Variants in CSMD3 observed in about 807,000 individuals in gnomAD.
CSMD3 encodes the protein CUB and sushi domain-containing protein 3.
CSMD3 carries 177 observed loss-of-function variants against 435.2 expected under a neutral mutation model. The observed-to-expected ratio is 0.41, with a 90% CI of 0.36 to 0.46. CSMD3 has a LOEUF of 0.46. Ranked by LOEUF, CSMD3 falls within the 20% of genes least tolerant of loss-of-function variation. The pLI, the probability that CSMD3 is intolerant of heterozygous loss-of-function variation, is 0.34. For synonymous variants in CSMD3, 1,656 were observed against 1,520.5 expected (o/e 1.09, Z -2.07); for missense variants, 4,265 against 4,504.6 (o/e 0.95, Z 1.52).
intron 13 of CSMD3, among the ~76,000 whole-genome samples, chr8:112,716,853 T>C (rs1289316777): frequency 6.6e-6 from 1 of 152,170 alleles, no homozygotes; most frequent in Non-Finnish European, 1.5e-5. Flanking sequence ...TAAATGGTGC[T>C]GGGAAAACTG....
Position 112,790,327 on chromosome 8 carries a change from CTAAT to C in CSMD3, c.1972+9831_1972+9834del, listed in dbSNP as rs1414263694. Among the ~76,000 whole-genome samples, 5 of 150,502 alleles carry C rather than the reference CTAAT, an allele frequency of 3.3e-5. 1 individual carries two copies. Among genetic ancestry groups the C allele is most frequent in the South Asian group, 4.2e-4 (2 of 4,788 alleles). The stretch of plus-strand genomic sequence containing the variant: ...ATGGTAGGATTTTTTGAGAAATACT[CTAAT>C]TAAGTTTTGGAAAATAGCAAATAAA... On this transcript the variant is annotated intron_variant, in intron 13 of 70. Transcript: ENST00000297405.
intron 1 of CSMD3, among the ~76,000 whole-genome samples, chr8:113,329,889 TAA>T (rs1403998558): frequency 6.6e-6 from 1 of 151,574 alleles, no homozygotes; most frequent in African/African-American, 2.4e-5. Context: ...TTGAAAAAAA[TAA>T]AAACTGCTAA....
At chr8:112,253,297 A>T (rs1026231496) in intron 63 of CSMD3, among the ~76,000 whole-genome samples, 1 of 151,950 alleles carries the variant, frequency 6.6e-6, no homozygotes, top group African/African-American at 2.4e-5. Context: ...GTTCTCTAAA[A>T]ACACCAATAT....
intron 35 of CSMD3, among the ~76,000 whole-genome samples, chr8:112,392,550 A>G (rs893039750): frequency 6.6e-6 from 1 of 152,078 alleles, no homozygotes; most frequent in African/African-American, 2.4e-5. Flanking sequence ...TATTCACCCA[A>G]AAAATAGAAC....
chr8:112,926,905 G>A lies in CSMD3; in HGVS notation c.1509-5154C>T, dbSNP rs572861772. Among the ~76,000 whole-genome samples, 10 of 152,176 alleles carry A rather than the reference G, an allele frequency of 6.6e-5. No individual in the cohort carries two copies. In the South Asian group the frequency reaches 1.9e-3, roughly 28 times the overall value. On this transcript the variant is annotated intron_variant, in intron 9 of 70. Coordinates refer to ENST00000297405, the MANE Select transcript of CSMD3 (RefSeq NM_198123.2). ...AAAAGGTCTAGACAATTTCCTGACA[G>A]ATGCAGAAATTTAACCCTAAGTAGC...
chr8:112,568,625 T>G (rs1829256565), intron 24 of CSMD3, among the ~76,000 whole-genome samples: 1 of 151,940 alleles, frequency 6.6e-6, no homozygotes, highest in African/African-American at 2.4e-5. Context: ...TTTCTCCCTG[T>G]CTAGTGTGGT....
intron 10 of CSMD3, among the ~76,000 whole-genome samples, chr8:112,873,465 A>G (rs2081191783): frequency 6.6e-6 from 1 of 151,996 alleles, no homozygotes; most frequent in Admixed American, 6.6e-5. Flanking sequence ...TCTTTTAGCT[A>G]AAATCCATTC....
intron 10 of CSMD3, among the ~76,000 whole-genome samples, chr8:112,894,568 A>T (rs1046915425): frequency 7.3e-5 from 11 of 151,434 alleles, no homozygotes; most frequent in Admixed American, 2.6e-4. Context: ...TAATTGACAC[A>T]ACAGAGTACT....
At chr8:112,499,580 T>C (rs1302647742) in intron 30 of CSMD3, among the ~76,000 whole-genome samples, 1 of 152,064 alleles carries the variant, frequency 6.6e-6, no homozygotes, top group African/African-American at 2.4e-5. Flanking sequence ...AGAACCAGAA[T>C]CATACATATC....
intron 38 of CSMD3, among the ~76,000 whole-genome samples, chr8:112,363,263 A>C (rs1827429414): frequency 1.3e-5 from 2 of 152,014 alleles, no homozygotes; most frequent in African/African-American, 4.8e-5. Context: ...GGAATATTGG[A>C]AGTGCCTAAC....
intron 1 of CSMD3, among the ~76,000 whole-genome samples, chr8:113,398,685 T>A (rs2094495089): frequency 6.6e-6 from 1 of 152,180 alleles, no homozygotes. Flanking sequence ...GTGCTTATTA[T>A]TAGCATTGTT....
intron 3 of CSMD3, among the ~76,000 whole-genome samples, chr8:113,218,100 A>G (rs2092926176): frequency 8.0e-6 from 1 of 125,334 alleles, no homozygotes; most frequent in Non-Finnish European, 1.7e-5. Flanking sequence ...TAAATATGCT[A>G]TTCATATATA....
At chr8:112,836,472 T>A (rs1202214536) in intron 11 of CSMD3, among the ~76,000 whole-genome samples, 1 of 151,864 alleles carries the variant, frequency 6.6e-6, no homozygotes, top group Non-Finnish European at 1.5e-5. Context: ...CCATTCCATT[T>A]GCCAGTGATT....
chr8:112,327,504 T>C (rs181132555), intron 45 of CSMD3, among the ~76,000 whole-genome samples: 28 of 152,306 alleles, frequency 1.8e-4, no homozygotes, highest in Admixed American at 8.5e-4. Flanking sequence ...TATGTACATA[T>C]ATGTTAGTCC....
chr8:112,852,750 G>A (rs985982800), intron 11 of CSMD3, among the ~76,000 whole-genome samples: 2 of 151,946 alleles, frequency 1.3e-5, no homozygotes, highest in South Asian at 2.1e-4. Context: ...GTGAAACCCC[G>A]TATCTACTAA....
At chr8:113,433,559 G>A (rs1325129194) in intron 1 of CSMD3, among the ~76,000 whole-genome samples, 1 of 152,196 alleles carries the variant, frequency 6.6e-6, no homozygotes, top group Non-Finnish European at 1.5e-5. Flanking sequence ...ACGCAGAAAC[G>A]TGGATCCTTC....
intron 31 of CSMD3, among the ~76,000 whole-genome samples, chr8:112,488,113 A>C (rs952257916): frequency 3.3e-5 from 5 of 152,166 alleles, no homozygotes; most frequent in African/African-American, 7.2e-5. Context: ...GGATGCAATC[A>C]TTTTGGATTT....
At chr8:112,883,119 G>A (rs1259855567) in intron 10 of CSMD3, among the ~76,000 whole-genome samples, 2 of 151,870 alleles carry the variant, frequency 1.3e-5, no homozygotes, top group African/African-American at 4.8e-5. Context: ...GCACACTTTT[G>A]CTTAAAATGT....
At chr8:112,523,905 AT>A (rs1415324020) in intron 27 of CSMD3, among the ~76,000 whole-genome samples, 1 of 152,124 alleles carries the variant, frequency 6.6e-6, no homozygotes, top group Non-Finnish European at 1.5e-5. Flanking sequence ...TGACAGACAC[AT>A]TCTAAACAAC....
Sources: allele counts gnomAD v4.1 joint callset (sites outside exome capture counted in the v4.1 genomes callset), GRCh38; gene constraint gnomAD v4.1.1; transcripts MANE v1.5; gene names NCBI Gene and HGNC (gene_info 2026-07-23, HGNC 2026-07-21).